Variants in PPM1E observed in about 807,000 individuals in gnomAD.
PPM1E encodes the protein protein phosphatase, Mg2+/Mn2+ dependent 1E.
PPM1E carries 20 observed loss-of-function variants against 65.9 expected under a neutral mutation model. The observed-to-expected ratio is 0.30, with a 90% CI of 0.21 to 0.44. The LOEUF is 0.44. Ranked by LOEUF, PPM1E falls within the 20% of genes least tolerant of loss-of-function variation. The pLI is 1.00. For missense variants in PPM1E, 713 were observed against 953.1 expected, an observed-to-expected ratio of 0.75 and a Z score of 3.32; for synonymous variants, 352 against 374.9, an observed-to-expected ratio of 0.94 and a Z score of 0.70.
intron 1 of PPM1E, among the ~76,000 whole-genome samples, chr17:58,888,524 T>A (rs2051308870): frequency 1.3e-5 from 2 of 151,846 alleles, no homozygotes; most frequent in African/African-American, 4.8e-5. Flanking sequence ...CCACTGCGCC[T>A]GGCTAATTTT....
At chr17:58,874,942 A>G (rs2143361807) in intron 1 of PPM1E, among the ~76,000 whole-genome samples, 1 of 152,272 alleles carries the variant, frequency 6.6e-6, no homozygotes, top group African/African-American at 2.4e-5. Context: ...AGTATCCTTT[A>G]TCCTCTCCCC....
chr17:58,818,057 A>C (rs1331641413), intron 1 of PPM1E, among the ~76,000 whole-genome samples: 1 of 152,122 alleles, frequency 6.6e-6, no homozygotes, highest in East Asian at 1.9e-4. Flanking sequence ...TTTTTTTCTA[A>C]AGTTAAATCT....
In PPM1E at chr17:58,766,072, G is replaced by A. The variant is rs183412825; in HGVS notation, c.464+9611G>A. On this transcript the variant is annotated intron_variant, in intron 1 of 6. Coordinates refer to ENST00000308249, the MANE Select transcript of PPM1E (RefSeq NM_014906.5). ...ATTTTTGTATTTTATTAGAGGCAGA[G>A]TTTCACCATGTTGGCCAGGCTGGTC... Among the ~76,000 whole-genome samples the A allele has an allele frequency of 1.8e-3, 271 of 150,744 alleles. 1 individual carries two copies. The highest frequency in any genetic ancestry group is 6.4e-3 in the African/African-American group (262 of 41,148).
chr17:58,788,114 G>A (rs1482357460), intron 1 of PPM1E, among the ~76,000 whole-genome samples: 1 of 151,786 alleles, frequency 6.6e-6, no homozygotes, highest in Non-Finnish European at 1.5e-5. Flanking sequence ...GCAGTAGCCC[G>A]ATCTCAGCTC....
chr17:58,892,931 A>G (rs1273489703), intron 1 of PPM1E, among the ~76,000 whole-genome samples: 1 of 152,230 alleles, frequency 6.6e-6, no homozygotes, highest in Non-Finnish European at 1.5e-5. Flanking sequence ...TATTAGAATG[A>G]TAAAAATCCA....
At chr17:58,935,341 AAGG>A (rs2051964985) in intron 1 of PPM1E, among the ~76,000 whole-genome samples, 3 of 152,300 alleles carry the variant, frequency 2.0e-5, no homozygotes, top group East Asian at 1.9e-4. Context: ...TCGGAAGTGC[AAGG>A]AGAAGAGGAG....
chr17:58,760,248 C>G (rs1222570791), intron 1 of PPM1E, among the ~76,000 whole-genome samples: 1 of 152,172 alleles, frequency 6.6e-6, no homozygotes, highest in Non-Finnish European at 1.5e-5. Flanking sequence ...GCTAAAGGCT[C>G]CCAACTCTAT....
At chr17:58,808,563 G>A (rs1356418581) in intron 1 of PPM1E, among the ~76,000 whole-genome samples, 1 of 151,788 alleles carries the variant, frequency 6.6e-6, no homozygotes, top group Non-Finnish European at 1.5e-5. Context: ...AGAGAGGGAG[G>A]GAGGAAAGGG....
At chr17:58,916,665 T>C (rs2051686876) in intron 1 of PPM1E, among the ~76,000 whole-genome samples, 1 of 152,106 alleles carries the variant, frequency 6.6e-6, no homozygotes, top group African/African-American at 2.4e-5. Context: ...ACTAATCAGA[T>C]GTTAGGGATA....
chr17:58,977,405 T>C lies in PPM1E; in HGVS notation c.1211-2569T>C, dbSNP rs180916807. Among the ~76,000 whole-genome samples the C allele has an allele frequency of 1.3e-3, 191 of 146,866 alleles. 2 individuals are homozygous for C. The Middle Eastern group carries it at 0.018, about 14-fold the overall frequency. ...TTGCAATGAGCTGAGATCACACCACTGCACTCCAGTCTGGGCCACAGTGAG... is the reference window on the plus strand; with the variant it reads ...TTGCAATGAGCTGAGATCACACCACCGCACTCCAGTCTGGGCCACAGTGAG... On this transcript the variant is annotated intron_variant, in intron 6 of 6. Transcript: ENST00000308249.
intron 1 of PPM1E, among the ~76,000 whole-genome samples, chr17:58,774,931 C>T (rs1038151319): frequency 8.6e-5 from 13 of 151,832 alleles, no homozygotes; most frequent in African/African-American, 3.1e-4. Flanking sequence ...CGGCTCACTG[C>T]AACCTCTGCC....
At chr17:58,918,130 T>C (rs1374966410) in intron 1 of PPM1E, among the ~76,000 whole-genome samples, 1 of 152,160 alleles carries the variant, frequency 6.6e-6, no homozygotes, top group Non-Finnish European at 1.5e-5. Context: ...AGTTTAACAG[T>C]GGGGAATCCA....
chr17:58,980,964 T>G lies in PPM1E; in HGVS notation c.2201T>G (p.Met734Arg), dbSNP rs376030062. Reference protein sequence around the residue: ...QNSWKGYSENMRKLRKTHDIP... With the variant: ...QNSWKGYSENRRKLRKTHDIP... ...AGTTGGAAAGGGTACAGTGAAAACA[T>G]GAGGAAGCTCAGAAAGACTCATGAT... Residue 734 changes from methionine to arginine, a missense_variant, in exon 7 of 7, where the codon ATG becomes AGG. Met to Arg is a moderately conservative substitution (Grantham distance 91). Coordinates refer to ENST00000308249, the MANE Select transcript of PPM1E (RefSeq NM_014906.5). This position sits in a 1 kb window ranked among gnomAD's most constrained non-coding sequence, Gnocchi z 4.7. 3.7e-6 allele frequency: 6 copies of G among 1,614,010 alleles called. No homozygotes were observed. The African/African-American group carries it at 6.7e-5, about 18-fold the overall frequency.
intron 1 of PPM1E, chr17:58,951,171 CA>C (rs1437983664): frequency 6.6e-6 from 1 of 152,136 alleles, no homozygotes; most frequent in African/African-American, 2.4e-5. Flanking sequence ...GTTTCCTTAA[CA>C]TGATTATTTT....
intron 1 of PPM1E, among the ~76,000 whole-genome samples, chr17:58,846,957 C>T (rs978262405): frequency 2.0e-5 from 3 of 152,132 alleles, no homozygotes; most frequent in African/African-American, 7.2e-5. Context: ...TTAATGATTG[C>T]CATTCTAACT....
chr17:58,919,504 G>A (rs930452149), intron 1 of PPM1E, among the ~76,000 whole-genome samples: 1 of 152,104 alleles, frequency 6.6e-6, no homozygotes, highest in African/African-American at 2.4e-5. Flanking sequence ...AAAAGATAGA[G>A]GCTGGGCACG....
At position 58,961,128 on chromosome 17, in the gene PPM1E, G is replaced by A. The variant is rs150995410; in HGVS notation, c.584-4566G>A. ...AATAGGTAGGAAAACTAGACCTCCC[G>A]ATATTAAAACATTTTAAAGTTATGG... On this transcript the variant is annotated intron_variant, in intron 2 of 6. Coordinates refer to ENST00000308249, the MANE Select transcript of PPM1E (RefSeq NM_014906.5). 4.2e-4 allele frequency among the ~76,000 whole-genome samples: 64 copies of A among 152,164 alleles called. 2 individuals carry two copies. The Middle Eastern group carries it at 0.017, about 40-fold the overall frequency.
At chr17:58,943,396 T>C in intron 1 of PPM1E, among the ~76,000 whole-genome samples, 1 of 152,174 alleles carries the variant, frequency 6.6e-6, no homozygotes, top group East Asian at 1.9e-4. Context: ...ATGAACTAAA[T>C]GGTTCTTTCT....
chr17:58,769,487 C>T (rs1345783610), intron 1 of PPM1E, among the ~76,000 whole-genome samples: 1 of 152,006 alleles, frequency 6.6e-6, no homozygotes, highest in Non-Finnish European at 1.5e-5. Context: ...GTCCCAGCTA[C>T]TCGGGAGGCT....
Sources: gnomAD v4.1 joint callset for allele counts (sites outside exome capture counted in the v4.1 genomes callset) on GRCh38, gnomAD v4.1.1 for gene constraint, Gnocchi (gnomAD v3.1) non-coding constraint, MANE v1.5 for transcripts, NCBI Gene and HGNC (gene_info 2026-07-23, HGNC 2026-07-21) for gene names.